Variants in GPT2 observed in about 807,000 individuals in gnomAD.
GPT2 encodes the protein glutamic--pyruvic transaminase 2, also known as alanine aminotransferase 2.
A neutral mutation model predicts 56.9 loss-of-function variants in GPT2; 30 were observed. The observed-to-expected ratio is 0.53, with a 90% CI of 0.39 to 0.72. The LOEUF is 0.72. Among genes scored for constraint, GPT2 ranks in the 30% least tolerant of loss-of-function variants. GPT2 has a pLI of 0.00. For missense variants in GPT2, 542 were observed against 703.4 expected, an observed-to-expected ratio of 0.77 and a Z score of 2.60; for synonymous variants, 271 against 283.1, an observed-to-expected ratio of 0.96 and a Z score of 0.43.
intron 6 of GPT2, among the ~76,000 whole-genome samples, chr16:46,912,630 GT>G (rs1961067247): frequency 6.6e-6 from 1 of 152,230 alleles, no homozygotes; most frequent in Non-Finnish European, 1.5e-5. Context: ...TCTGCAGACT[GT>G]ACAGGAAGCA....
At chr16:46,898,890 G>GTA (rs1163665169) in intron 3 of GPT2, among the ~76,000 whole-genome samples, 1 of 119,912 alleles carries the variant, frequency 8.3e-6, no homozygotes, top group African/African-American at 3.3e-5. Flanking sequence ...ATATATATAC[G>GTA]TATATATATA....
At chr16:46,889,625 A>C (rs1481531102) in intron 2 of GPT2, among the ~76,000 whole-genome samples, 1 of 152,214 alleles carries the variant, frequency 6.6e-6, no homozygotes, top group African/African-American at 2.4e-5. Context: ...AGCCTGCCCA[A>C]GTCAGTCACC....
At chr16:46,921,534 G>A (rs1961287780) in intron 8 of GPT2, among the ~76,000 whole-genome samples, 1 of 152,110 alleles carries the variant, frequency 6.6e-6, no homozygotes, top group Admixed American at 6.5e-5. Flanking sequence ...GGGGGTGGGG[G>A]ATGCATGGAG....
chr16:46,928,893 G>C lies in GPT2; in HGVS notation c.1482-14G>C, dbSNP rs1961472329. 3 of 1,604,534 alleles carry C rather than the reference G, an allele frequency of 1.9e-6. No homozygotes were observed. Among genetic ancestry groups the C allele is most frequent in the Admixed American group, 1.7e-5 (1 of 59,988 alleles). On this transcript the variant is annotated splice_polypyrimidine_tract_variant and intron_variant, in intron 11 of 11. Transcript: ENST00000340124. ...GCAGAGCAGCCAGGCTGACACTGTT[G>C]TCTCTCCTGCCAGGATGACTATCCT... is the stretch of plus-strand genomic sequence containing the variant.
chr16:46,886,175 G>A (rs998083404), intron 2 of GPT2, among the ~76,000 whole-genome samples: 4 of 152,184 alleles, frequency 2.6e-5, no homozygotes, highest in South Asian at 2.1e-4. Context: ...GGAGGAGGCT[G>A]GCTTTGTTTC....
chr16:46,885,074 G>A, intron 2 of GPT2, 116 bp downstream of exon 2: 1 of 1,350,652 alleles, frequency 7.4e-7, no homozygotes, highest in South Asian at 1.8e-5. Flanking sequence ...TCCTCAGTCA[G>A]CCAAGCCTGG....
At chr16:46,923,468 A>T (rs1468799389) in intron 9 of GPT2, among the ~76,000 whole-genome samples, 2 of 152,196 alleles carry the variant, frequency 1.3e-5, no homozygotes, top group African/African-American at 4.8e-5. Flanking sequence ...AAAACAAAAA[A>T]AGTAGAGTCA....
chr16:46,916,454 G>A, intron 6 of GPT2, 174 bp from the exon 7 acceptor site: 1 of 627,882 alleles, frequency 1.6e-6, no homozygotes, highest in Non-Finnish European at 2.9e-6. Flanking sequence ...GGCGTCCCTG[G>A]AGGCCGACTA....
chr16:46,906,987 G>A lies in GPT2; in HGVS notation c.576+12G>A, dbSNP rs201738021. On this transcript the variant is annotated intron_variant, in intron 5 of 11. Coordinates refer to ENST00000340124, the MANE Select transcript of GPT2 (RefSeq NM_133443.4). ...GTGACGGCATTTCTGTACGTGTGAG[G>A]GTGGCTCGTTGTTATCCGGTGTTTA... The A allele has an allele frequency of 5.1e-5, 83 of 1,613,986 alleles. No individual in the cohort carries two copies. Among genetic ancestry groups the A allele is most frequent in the Non-Finnish European group, 1.4e-5 (17 of 1,179,982 alleles).
In GPT2 at chr16:46,922,303, C is replaced by T; in HGVS notation, c.1099C>T (p.Leu367=). The T allele has an allele frequency of 1.2e-6, 2 of 1,614,202 alleles. No individual in the cohort carries two copies. Among genetic ancestry groups the T allele is most frequent in the East Asian group, 2.2e-5 (1 of 44,888 alleles). ...INLHPEIKGQ[L]VKLLSVRLCP... ...CCTGCACCCTGAGATCAAGGGCCAGCTGGTGAAGCTGCTGTCGGTGCGCCT... is the reference window on the plus strand; with the variant it reads ...CCTGCACCCTGAGATCAAGGGCCAGTTGGTGAAGCTGCTGTCGGTGCGCCT... Residue 367 remains leucine, a synonymous_variant, in exon 9 of 12, where the codon CTG becomes TTG. Transcript: ENST00000340124.
At chr16:46,899,997 T>A (rs190819075) in intron 3 of GPT2, among the ~76,000 whole-genome samples, 1 of 152,144 alleles carries the variant, frequency 6.6e-6, no homozygotes, top group Non-Finnish European at 1.5e-5. Context: ...GAAGCTGGGC[T>A]CCATGAAGCC....
At chr16:46,895,559 G>A (rs1960670406) in intron 2 of GPT2, among the ~76,000 whole-genome samples, 1 of 152,060 alleles carries the variant, frequency 6.6e-6, no homozygotes, top group East Asian at 1.9e-4. Context: ...GTCTCACTCT[G>A]ATGCCCAGGC....
Position 46,884,923 on chromosome 16 carries a change from C to T in GPT2, c.208C>T (p.Leu70Phe). 1 of 1,534,716 alleles carries T rather than the reference C, an allele frequency of 6.5e-7. No individual in the cohort carries two copies. The highest frequency in any genetic ancestry group is 8.8e-7 in the Non-Finnish European group (1 of 1,139,114). ...GTACGCCGTGCGGGGACCCATCGTG[C>T]TCAAGGCCGGCGAGATCGAGCTCGA... ...VEYAVRGPIV[L>F]KAGEIELELQ... The change falls in exon 2 of 12, where the codon CTC (leucine) becomes TTC (phenylalanine). Residue 70 changes from leucine to phenylalanine, a missense_variant. Transcript: ENST00000340124.
chr16:46,924,593 A>G (rs747549643), intron 10 of GPT2, 49 bp downstream of exon 10: 79 of 1,601,636 alleles, frequency 4.9e-5, no homozygotes, highest in South Asian at 2.6e-4. Context: ...TTCACCTGAG[A>G]TGCTGGGTTG....
At chr16:46,884,538 C>T in intron 1 of GPT2, 71 bp downstream of exon 1, 1 of 698,242 alleles carries the variant, frequency 1.4e-6, no homozygotes, top group Non-Finnish European at 2.0e-6. Flanking sequence ...GCTTCAGCGG[C>T]GCCGTGGAGG....
At chr16:46,917,751 G>C (rs991988271) in intron 7 of GPT2, among the ~76,000 whole-genome samples, 1 of 151,684 alleles carries the variant, frequency 6.6e-6, no homozygotes, top group Non-Finnish European at 1.5e-5. Flanking sequence ...GACACACACA[G>C]ACACACGTAC....
chr16:46,913,945 C>T (rs920156477), intron 6 of GPT2, among the ~76,000 whole-genome samples: 4 of 152,060 alleles, frequency 2.6e-5, no homozygotes, highest in Non-Finnish European at 5.9e-5. Flanking sequence ...AAAGAATATA[C>T]ATACATGCAT....
At chr16:46,888,681 G>A (rs1596858437) in intron 2 of GPT2, among the ~76,000 whole-genome samples, 1 of 151,820 alleles carries the variant, frequency 6.6e-6, no homozygotes, top group South Asian at 2.1e-4. Context: ...ACAGGGTCTC[G>A]CTCTATTGCC....
intron 2 of GPT2, 142 bp downstream of exon 2, chr16:46,885,100 GC>G: frequency 1.5e-6 from 2 of 1,349,388 alleles, no homozygotes; most frequent in Non-Finnish European, 1.9e-6. Flanking sequence ...ACGAGAGAAT[GC>G]CCCCTCCCGC....
Sources: gnomAD v4.1 joint callset for allele counts (sites outside exome capture counted in the v4.1 genomes callset) on GRCh38, gnomAD v4.1.1 for gene constraint, MANE v1.5 for transcripts, NCBI Gene and HGNC (gene_info 2026-07-23, HGNC 2026-07-21) for gene names.